CABLES1: variants seen among roughly 807,000 people sequenced by gnomAD.
CABLES1 encodes the protein Cdk5 and Abl enzyme substrate 1.
Under a neutral mutation model 57.8 loss-of-function variants are expected in CABLES1, and 36 were observed. The ratio of observed to expected loss-of-function variants is 0.62; its 90% CI spans 0.48 to 0.82. The LOEUF (loss-of-function observed/expected upper bound fraction) is 0.82. Ranked by LOEUF, CABLES1 falls within the 40% of genes least tolerant of loss-of-function variation. The pLI, the probability that CABLES1 is intolerant of heterozygous loss-of-function variation, is 0.00. For missense variants in CABLES1, 767 were observed against 836.6 expected (o/e 0.92, Z 1.03); for synonymous variants, 374 against 363.0 (o/e 1.03, Z -0.35).
At position 23,188,840 on chromosome 18, in the gene CABLES1, G is replaced by A. The variant is rs1230642741; in HGVS notation, c.848G>A (p.Arg283Gln). The change falls in exon 2 of 10, where the codon CGG becomes CAG. Residue 283 changes from arginine to glutamine, a missense_variant and splice_region_variant. Arg to Gln is a conservative substitution (Grantham distance 43). Around this residue, in one of 4 missense-constraint regions of CABLES1, gnomAD observed 529 missense variants for 622.8 expected, o/e 0.85. Transcript: ENST00000256925. ...AGATTTTTTCCTTCTTTCTGCAGAC[G>A]GCGCCTCATCTCCCAGAGATCTTCC... ...SAFEQLQRSR[R>Q]RLISQRSSLE... is the part of the protein sequence containing the mutation. 1.2e-6 allele frequency: 2 copies of A among 1,613,204 alleles called. No homozygotes were observed. Among genetic ancestry groups the A allele is most frequent in the Non-Finnish European group, 1.7e-6 (2 of 1,179,328 alleles).
chr18:23,210,574 T>C (rs1366028578), intron 3 of CABLES1, among the ~76,000 whole-genome samples: 1 of 152,218 alleles, frequency 6.6e-6, no homozygotes, highest in Non-Finnish European at 1.5e-5. Context: ...CAAATTCACA[T>C]GAACCCCACA....
intron 3 of CABLES1, among the ~76,000 whole-genome samples, chr18:23,195,956 T>C (rs1339469702): frequency 6.6e-6 from 1 of 152,232 alleles, no homozygotes; most frequent in Non-Finnish European, 1.5e-5. Context: ...AAGCCTTTAA[T>C]TTCTCAATGA....
chr18:23,191,954 A>G (rs1251959896), intron 2 of CABLES1, among the ~76,000 whole-genome samples: 1 of 148,474 alleles, frequency 6.7e-6, no homozygotes, highest in Non-Finnish European at 1.5e-5. Context: ...CAACACAACA[A>G]ACAGCTTGCT....
chr18:23,251,778 G>C (rs1023214169), intron 7 of CABLES1, among the ~76,000 whole-genome samples: 2 of 152,146 alleles, frequency 1.3e-5, no homozygotes, highest in Non-Finnish European at 2.9e-5. Context: ...GCTACAATGA[G>C]ATTGACCCTT....
intron 1 of CABLES1, chr18:23,155,721 T>C: frequency 9.7e-7 from 1 of 1,031,344 alleles, no homozygotes; most frequent in Non-Finnish European, 1.4e-6. Context: ...GGCAGGATCC[T>C]AGAATCACGG....
rs887025700 is a variant in CABLES1, at chr18:23,259,873, C to G, written c.*2506C>G. The stretch of plus-strand genomic sequence containing the variant: ...GCCCCTTGTAAGCCCTGCCCCCTCT[C>G]AGGACTGCCCTGAGGCCTCTCCAGT... On this transcript the variant is annotated 3_prime_UTR_variant, in exon 10 of 10. Coordinates refer to ENST00000256925, the MANE Select transcript of CABLES1 (RefSeq NM_001100619.3). 8.5e-5 allele frequency: 13 copies of G among 152,440 alleles called. No homozygotes were observed. The highest frequency in any genetic ancestry group is 3.1e-4 in the African/African-American group (13 of 41,468). 9.4% of individuals were successfully genotyped at this position (152,440 alleles called of 1,614,324 possible).
Position 23,185,611 on chromosome 18 carries a change from T to C in CABLES1, c.846-3227T>C, listed in dbSNP as rs138121927. On this transcript the variant is annotated intron_variant, in intron 1 of 9. Coordinates refer to ENST00000256925, the MANE Select transcript of CABLES1 (RefSeq NM_001100619.3). The stretch of plus-strand genomic sequence containing the variant: ...CCACCCAGGGCCTCCCCAGGGCTCC[T>C]TAGGGTACCTGAAGGAGGGCAGCCT... Among the ~76,000 whole-genome samples, 270 of 152,226 alleles carry C rather than the reference T, an allele frequency of 1.8e-3. 5 individuals are homozygous for C. In the East Asian group the frequency reaches 0.045, roughly 25 times the overall value.
intron 7 of CABLES1, among the ~76,000 whole-genome samples, chr18:23,252,206 A>G (rs1400835524): frequency 6.6e-6 from 1 of 152,148 alleles, no homozygotes; most frequent in Non-Finnish European, 1.5e-5. Flanking sequence ...GGTTGCCAGG[A>G]GCTGGAGGGA....
chr18:23,135,032 A>G (rs1336035774), upstream of CABLES1, among the ~76,000 whole-genome samples: 1 of 152,198 alleles, frequency 6.6e-6, no homozygotes, highest in African/African-American at 2.4e-5. Context: ...GCGGGGTCCA[A>G]GTAACTCGCT....
At chr18:23,194,843 GT>G (rs2047270572) in intron 3 of CABLES1, among the ~76,000 whole-genome samples, 1 of 152,232 alleles carries the variant, frequency 6.6e-6, no homozygotes, top group South Asian at 2.1e-4. Context: ...AAACAGTTGA[GT>G]TTTGGGGAGT....
intron 7 of CABLES1, among the ~76,000 whole-genome samples, chr18:23,238,941 G>A (rs1458162249): frequency 6.6e-6 from 1 of 152,218 alleles, no homozygotes; most frequent in Non-Finnish European, 1.5e-5. Flanking sequence ...CAGATTTCTA[G>A]GTAACCAAGA....
At chr18:23,145,884 T>A (rs1489433026) in intron 1 of CABLES1, among the ~76,000 whole-genome samples, 1 of 152,220 alleles carries the variant, frequency 6.6e-6, no homozygotes, top group Non-Finnish European at 1.5e-5. Flanking sequence ...AGACAAGAGC[T>A]TGTAAAGCAG....
intron 1 of CABLES1, among the ~76,000 whole-genome samples, chr18:23,169,718 C>G (rs1311285957): frequency 2.0e-5 from 3 of 152,212 alleles, no homozygotes; most frequent in African/African-American, 7.2e-5. Flanking sequence ...TCTAACACAG[C>G]AGCAGAAACG....
chr18:23,147,412 A>G (rs2046898253), intron 1 of CABLES1, among the ~76,000 whole-genome samples: 2 of 152,268 alleles, frequency 1.3e-5, no homozygotes, highest in Admixed American at 1.3e-4. Flanking sequence ...ATATTAAAAT[A>G]AGAATGCAGA....
chr18:23,182,103 G>T (rs2047171471), intron 1 of CABLES1, among the ~76,000 whole-genome samples: 1 of 152,152 alleles, frequency 6.6e-6, no homozygotes, highest in Admixed American at 6.5e-5. Flanking sequence ...GAGGTGGTTG[G>T]CCCAGGTATT....
rs867070468 is a variant in CABLES1, at chr18:23,226,521, C to T, written c.1089-8087C>T. ...CCTCTGACCTTTTGCTTCTATGACC[C>T]GAGCTCTTGTTTTTGCTTTTGGGCT... On this transcript the variant is annotated intron_variant, in intron 4 of 9. Coordinates refer to ENST00000256925, the MANE Select transcript of CABLES1 (RefSeq NM_001100619.3). 2.0e-5 allele frequency among the ~76,000 whole-genome samples: 3 copies of T among 152,064 alleles called. No individual in the cohort carries two copies. In the South Asian group the frequency reaches 6.2e-4, roughly 31 times the overall value.
chr18:23,173,818 C>T (rs966610829), intron 1 of CABLES1, among the ~76,000 whole-genome samples: 2 of 151,972 alleles, frequency 1.3e-5, no homozygotes, highest in African/African-American at 4.8e-5. Flanking sequence ...AAAAATTAGC[C>T]GGGTGTGATA....
intron 1 of CABLES1, among the ~76,000 whole-genome samples, chr18:23,185,024 A>G (rs2047192783): frequency 6.6e-6 from 1 of 152,186 alleles, no homozygotes; most frequent in African/African-American, 2.4e-5. Flanking sequence ...TTAATCTGTA[A>G]TAATGTGTGT....
chr18:23,166,203 A>ATT (rs111877597), intron 1 of CABLES1, among the ~76,000 whole-genome samples: 24 of 144,654 alleles, frequency 1.7e-4, no homozygotes, highest in African/African-American at 4.0e-4. Context: ...TATGAATGCA[A>ATT]TTTTTTTTTT....
Sources: allele counts gnomAD v4.1 joint callset (sites outside exome capture counted in the v4.1 genomes callset), GRCh38; gene constraint gnomAD v4.1.1; regional missense constraint gnomAD v4.1.1; transcripts MANE v1.5; gene names NCBI Gene and HGNC (gene_info 2026-07-23, HGNC 2026-07-21).